Variants in DLAT observed in about 807,000 individuals in gnomAD.
DLAT encodes dihydrolipoyllysine-residue acetyltransferase component of pyruvate dehydrogenase complex, mitochondrial.
In DLAT, 43 loss-of-function variants were observed where a neutral mutation model predicts 68.0. The observed-to-expected ratio is 0.63, with a 90% CI of 0.50 to 0.81. DLAT has a LOEUF of 0.81. Ranked by LOEUF, DLAT falls within the 40% of genes least tolerant of loss-of-function variation. DLAT has a pLI of 0.00. For missense variants in DLAT, 745 were observed against 815.4 expected (o/e 0.91, Z 1.05); for synonymous variants, 265 against 288.6 (o/e 0.92, Z 0.83).
chr11:112,051,160 C>T lies in DLAT; in HGVS notation c.1399-74C>T. The T allele has an allele frequency of 2.0e-6, 2 of 1,024,894 alleles. No homozygotes were observed. The highest frequency in any genetic ancestry group is 2.8e-5 in the South Asian group (2 of 71,840). The allele number at this position is 1,024,894 out of a possible 1,614,324, so 63.5% of individuals were successfully genotyped here. A position where few individuals can be genotyped will look rare whatever the true frequency, so the allele number is the denominator to read the frequency against. On this transcript the variant is annotated intron_variant, in intron 10 of 13. Coordinates refer to ENST00000280346, the MANE Select transcript of DLAT (RefSeq NM_001931.5). This position sits in a 1 kb window ranked among gnomAD's most constrained non-coding sequence, Gnocchi z 4.3. ...CTATATAATAAACCTGGACATTCTG[C>T]ACATGCACCCTGAAACTTAAAATTA...
rs587650942 is a variant in DLAT, at chr11:112,046,134, A to G, written c.1398+164A>G. Reference sequence around the variant, plus strand: ...AAGATTTTAAATATTGGTTATGTCCACTTTTATCAATTTTTTTCTTCTGTG... The same window carrying G: ...AAGATTTTAAATATTGGTTATGTCCGCTTTTATCAATTTTTTTCTTCTGTG... On this transcript the variant is annotated intron_variant, in intron 10 of 13. Coordinates refer to ENST00000280346, the MANE Select transcript of DLAT (RefSeq NM_001931.5). Among the ~76,000 whole-genome samples the G allele has an allele frequency of 2.7e-3, 418 of 152,258 alleles. 2 individuals carry two copies. The highest frequency in any genetic ancestry group is 9.5e-3 in the African/African-American group (394 of 41,558).
At chr11:112,027,937 G>A (rs1862166475) in intron 2 of DLAT, among the ~76,000 whole-genome samples, 1 of 151,570 alleles carries the variant, frequency 6.6e-6, no homozygotes, top group Non-Finnish European at 1.5e-5. Context: ...GGGAGACGGA[G>A]AGGGAGAGGG....
At chr11:112,039,639 T>C (rs1862952198) in intron 7 of DLAT, among the ~76,000 whole-genome samples, 1 of 152,200 alleles carries the variant, frequency 6.6e-6, no homozygotes, top group Non-Finnish European at 1.5e-5. Context: ...ACCTTTTTTT[T>C]TCCTCTTCTA....
At chr11:112,062,168 T>C (rs1189680176) in intron 13 of DLAT, among the ~76,000 whole-genome samples, 3 of 152,102 alleles carry the variant, frequency 2.0e-5, no homozygotes, top group Non-Finnish European at 4.4e-5. Context: ...TTGCAGTAAA[T>C]CTTTACCTAA....
At position 112,063,052 on chromosome 11, in the gene DLAT, C is replaced by A; in HGVS notation, c.*517C>A. On this transcript the variant is annotated 3_prime_UTR_variant, in exon 14 of 14. Coordinates refer to ENST00000280346, the MANE Select transcript of DLAT (RefSeq NM_001931.5). ...CCATTACATGATCTTGGTTTATCAT[C>A]GATGGGAAGGGTAGAAAACTTCAAG... 1 of 155,998 alleles carries A rather than the reference C, an allele frequency of 6.4e-6. No homozygotes were observed. The highest frequency in any genetic ancestry group is 1.9e-4 in the South Asian group (1 of 5,214). The allele number at this position is 155,998 out of a possible 1,614,324, so 9.7% of individuals were successfully genotyped here.
At chr11:112,048,660 A>T (rs1465555784) in intron 10 of DLAT, among the ~76,000 whole-genome samples, 2 of 152,012 alleles carry the variant, frequency 1.3e-5, no homozygotes, top group Admixed American at 1.3e-4. Flanking sequence ...CAGCCTCCCG[A>T]GTAGCTGGGA....
chr11:112,040,914 G>C (rs1245407657), intron 7 of DLAT, among the ~76,000 whole-genome samples: 1 of 149,516 alleles, frequency 6.7e-6, no homozygotes, highest in Non-Finnish European at 1.5e-5. Flanking sequence ...TATGAGCTGA[G>C]AGGAGTGTTA....
intron 5 of DLAT, 137 bp downstream of exon 5, chr11:112,033,667 AT>A: frequency 1.0e-6 from 1 of 983,470 alleles, no homozygotes; most frequent in Non-Finnish European, 1.5e-6. Flanking sequence ...GGGACAGAAT[AT>A]TTTATTTTTA....
chr11:112,029,389 C>T (rs1412570874), intron 4 of DLAT, among the ~76,000 whole-genome samples: 1 of 152,090 alleles, frequency 6.6e-6, no homozygotes, highest in African/African-American at 2.4e-5. Flanking sequence ...AAGCAGGGCG[C>T]CAGCATCTGT....
At chr11:112,036,135 G>A (rs12800999) in intron 5 of DLAT, among the ~76,000 whole-genome samples, 4 of 138,962 alleles carry the variant, frequency 2.9e-5, no homozygotes, top group African/African-American at 5.4e-5. Context: ...ATATATATAT[G>A]TGTGTGTATA....
At chr11:112,053,371 C>T (rs1555182163) in intron 11 of DLAT, among the ~76,000 whole-genome samples, 1 of 152,060 alleles carries the variant, frequency 6.6e-6, no homozygotes, top group Admixed American at 6.6e-5. Context: ...GAATACTGCT[C>T]CATGGCTTAG....
rs1483702301 is a variant in DLAT, at chr11:112,051,126, C to T, written c.1399-108C>T. The T allele has an allele frequency of 4.1e-6, 3 of 733,946 alleles. No homozygotes were observed. Among genetic ancestry groups the T allele is most frequent in the African/African-American group, 3.6e-5 (2 of 56,052 alleles). The allele number at this position is 733,946 out of a possible 1,614,324, so 45.5% of individuals were successfully genotyped here. A position where few individuals can be genotyped will look rare whatever the true frequency, so the allele number is the denominator to read the frequency against. On this transcript the variant is annotated intron_variant, in intron 10 of 13. Coordinates refer to ENST00000280346, the MANE Select transcript of DLAT (RefSeq NM_001931.5). The surrounding 1 kb of genome is among the most constrained non-coding windows in gnomAD (Gnocchi z 4.3). ...ACAGGTGCAGCAAACCACCATGGCA[C>T]ATGTTTACCTATATAATAAACCTGG...
In DLAT at chr11:112,026,281, A is replaced by G; in HGVS notation, c.363A>G (p.Glu121=). The G allele has an allele frequency of 6.3e-7, 1 of 1,597,424 alleles. No individual in the cohort carries two copies. The highest frequency in any genetic ancestry group is 8.5e-7 in the Non-Finnish European group (1 of 1,169,864). ...WEKKEGDKIN[E]GDLIAEVETD... is the part of the protein sequence containing the mutation. The stretch of plus-strand genomic sequence containing the variant: ...AAAAAGAGGGGGACAAAATCAATGA[A>G]GGTGACCTAATTGCAGAGGTAAGTT... Residue 121 remains glutamate (E), a synonymous_variant, in exon 2 of 14, where the codon GAA becomes GAG. Transcript: ENST00000280346.
intron 5 of DLAT, among the ~76,000 whole-genome samples, chr11:112,036,157 G>A (rs1218804839): frequency 7.6e-6 from 1 of 132,000 alleles, no homozygotes; most frequent in Non-Finnish European, 1.6e-5. Flanking sequence ...ATATATATGT[G>A]TGTGTATATA....
At position 112,051,762 on chromosome 11, in the gene DLAT, A is replaced by T. The variant is rs1863651603; in HGVS notation, c.1514+413A>T. On this transcript the variant is annotated intron_variant, in intron 11 of 13. Transcript: ENST00000280346. This position sits in a 1 kb window ranked among gnomAD's most constrained non-coding sequence, Gnocchi z 4.3. ...GTAAAGGCTATAGATTCTTTGTATG[A>T]GTTCAGCAAAGGGAGATTAGTGAAC... Among the ~76,000 whole-genome samples the T allele has an allele frequency of 6.6e-6, 1 of 152,170 alleles. No homozygotes were observed. Among genetic ancestry groups the T allele is most frequent in the Admixed American group, 6.5e-5 (1 of 15,280 alleles).
chr11:112,029,645 C>CT (rs113882148), intron 4 of DLAT, among the ~76,000 whole-genome samples: 9,966 of 145,340 alleles, frequency 0.069, 957 homozygotes, highest in African/African-American at 0.21. Context: ...GATCATATTT[C>CT]TTTTTTTTTT....
chr11:112,027,491 A>T (rs1555179481), intron 2 of DLAT, among the ~76,000 whole-genome samples: 1 of 151,920 alleles, frequency 6.6e-6, no homozygotes, highest in South Asian at 2.1e-4. Context: ...CACTTCCCAG[A>T]CGGGGTGGCA....
At position 112,063,802 on chromosome 11, in the gene DLAT, GAACATTATCAC is replaced by G. The variant is rs1355799962; in HGVS notation, c.*1270_*1280del. 2 of 165,828 alleles carry G rather than the reference GAACATTATCAC, an allele frequency of 1.2e-5. No homozygotes were observed. The highest frequency in any genetic ancestry group is 1.3e-4 in the Admixed American group (2 of 15,660). 10.3% of individuals were successfully genotyped at this position (165,828 alleles called of 1,614,324 possible). A position where few individuals can be genotyped will look rare whatever the true frequency, so the allele number is the denominator to read the frequency against. ...ATTCTGGATTATAAAAATGAATTGG[GAACATTATCAC>G]AATTCCAGACTTTCTATTAATATTT... On this transcript the variant is annotated 3_prime_UTR_variant, in exon 14 of 14. Transcript: ENST00000280346.
At position 112,064,122 on chromosome 11, in the gene DLAT, A is replaced by T; in HGVS notation, c.*1587A>T. 1 of 1,439,020 alleles carries T rather than the reference A, an allele frequency of 6.9e-7. No individual in the cohort carries two copies. Among genetic ancestry groups the T allele is most frequent in the East Asian group, 2.4e-5 (1 of 41,032 alleles). The allele number at this position is 1,439,020 out of a possible 1,614,324, so 89.1% of individuals were successfully genotyped here. ...AAGATTATCCAAAAGAAACAAGCTTATCACAAGGGACCATCATCAATATGA... is the reference window on the plus strand; with the variant it reads ...AAGATTATCCAAAAGAAACAAGCTTTTCACAAGGGACCATCATCAATATGA... On this transcript the variant is annotated 3_prime_UTR_variant, in exon 14 of 14. Coordinates refer to ENST00000280346, the MANE Select transcript of DLAT (RefSeq NM_001931.5).
Sources: gnomAD v4.1 joint callset for allele counts (sites outside exome capture counted in the v4.1 genomes callset) on GRCh38, gnomAD v4.1.1 for gene constraint, Gnocchi (gnomAD v3.1) non-coding constraint, MANE v1.5 for transcripts, NCBI Gene and HGNC (gene_info 2026-07-23, HGNC 2026-07-21) for gene names.